Variants in UPF2 observed in about 807,000 individuals in gnomAD.
UPF2 encodes UPF2 regulator of nonsense mediated mRNA decay, also known as regulator of nonsense transcripts 2.
A neutral mutation model predicts 141.4 loss-of-function variants in UPF2; 17 were observed. The ratio of observed to expected loss-of-function variants is 0.12; its 90% CI spans 0.08 to 0.18. The LOEUF (loss-of-function observed/expected upper bound fraction) is 0.18. UPF2 is among the 10% of genes least tolerant of loss of function. The pLI, the probability that UPF2 is intolerant of heterozygous loss-of-function variation, is 1.00. For missense variants in UPF2, 1,152 were observed against 1,515.9 expected (o/e 0.76, Z 3.99); for synonymous variants, 540 against 498.0 (o/e 1.08, Z -1.12).
chr10:12,035,800 T>A (rs1834615486), intron 1 of UPF2: 1 of 159,494 alleles, frequency 6.3e-6, no homozygotes, highest in Non-Finnish European at 1.4e-5. Flanking sequence ...TCAGAATATA[T>A]CTGTGAACAT....
rs1285322717 is a variant in UPF2, at chr10:11,998,641, T to TCAGGAGTTCAAGACCAGCCTGGCCAA, written c.1759-910_1759-885dup. ...GCCGAGGTGGGTGGATCACGTGAGG[T>TCAGGAGTTCAAGACCAGCCTGGCCAA]CAGGAGTTCAAGACCAGCCTGGCCA... is the stretch of plus-strand genomic sequence containing the variant. On this transcript the variant is annotated intron_variant, in intron 7 of 21. Transcript: ENST00000357604. This position sits in a 1 kb window ranked among gnomAD's most constrained non-coding sequence, Gnocchi z 4.5. Among the ~76,000 whole-genome samples the TCAGGAGTTCAAGACCAGCCTGGCCAA allele has an allele frequency of 6.6e-6, 1 of 152,054 alleles. No homozygotes were observed. The highest frequency in any genetic ancestry group is 1.5e-5 in the Non-Finnish European group (1 of 68,006).
rs2131150859 is a variant in UPF2 at position 11,929,846 on chromosome 10, G to A, written c.3809+19C>T. The stretch of plus-strand genomic sequence containing the variant: ...ATCATGGAAACAAACAGCTAAGGAA[G>A]GAGTAATGACTGCTTTACCTCCCAC... On this transcript the variant is annotated intron_variant, in intron 21 of 21. Transcript: ENST00000357604. 1 of 1,612,950 alleles carries A rather than the reference G, an allele frequency of 6.2e-7. No homozygotes were observed. The highest frequency in any genetic ancestry group is 8.5e-7 in the Non-Finnish European group (1 of 1,179,278).
intron 3 of UPF2, among the ~76,000 whole-genome samples, chr10:12,015,321 A>G (rs1490716810): frequency 6.6e-6 from 1 of 152,248 alleles, no homozygotes; most frequent in Non-Finnish European, 1.5e-5. Flanking sequence ...AATAATGCCT[A>G]TACTTATTCT....
chr10:11,966,930 C>G (rs1833331056), intron 10 of UPF2, among the ~76,000 whole-genome samples: 1 of 152,160 alleles, frequency 6.6e-6, no homozygotes, highest in African/African-American at 2.4e-5. Context: ...TACCACCAGT[C>G]AATATTTTTA....
intron 4 of UPF2, among the ~76,000 whole-genome samples, chr10:12,012,927 T>C (rs1276493412): frequency 6.6e-6 from 1 of 151,944 alleles, no homozygotes; most frequent in African/African-American, 2.4e-5. Context: ...CTGCTTGAGC[T>C]AAGGAGTTTG....
intron 10 of UPF2, 107 bp downstream of exon 10, chr10:11,967,234 G>A: frequency 4.7e-6 from 3 of 640,692 alleles, no homozygotes; most frequent in South Asian, 4.1e-5. Flanking sequence ...TCCTTTCTTG[G>A]TCTTCTTTTG....
rs1833155727 is a variant in UPF2, at chr10:11,956,607, C to T, written c.2371-84G>A. The T allele has an allele frequency of 5.0e-5, 64 of 1,280,268 alleles. No individual in the cohort carries two copies. In the South Asian group the frequency reaches 5.7e-4, roughly 11 times the overall value. 79.3% of individuals were successfully genotyped at this position (1,280,268 alleles called of 1,614,324 possible). A position where few individuals can be genotyped will look rare whatever the true frequency, so the allele number is the denominator to read the frequency against. On this transcript the variant is annotated intron_variant, in intron 12 of 21. Coordinates refer to ENST00000357604, the MANE Select transcript of UPF2 (RefSeq NM_015542.4). This position sits in a 1 kb window ranked among gnomAD's most constrained non-coding sequence, Gnocchi z 4.2. ...TAATACAGAAATTTTGCTATGATTG[C>T]GCAGAGAACTTTTGAAATAGAAAAT...
intron 8 of UPF2, among the ~76,000 whole-genome samples, chr10:11,991,365 G>A (rs556132170): frequency 6.8e-4 from 104 of 152,198 alleles, no homozygotes; most frequent in Non-Finnish European, 1.1e-3. Context: ...CCACAGCACA[G>A]TCAACATATG....
chr10:12,018,088 G>A (rs116611660), intron 3 of UPF2, among the ~76,000 whole-genome samples: 1 of 152,154 alleles, frequency 6.6e-6, no homozygotes, highest in African/African-American at 2.4e-5. Flanking sequence ...TAAATCCACA[G>A]CATGCAGTAA....
intron 21 of UPF2, among the ~76,000 whole-genome samples, chr10:11,923,567 G>T (rs898506298): frequency 1.4e-4 from 22 of 151,866 alleles, no homozygotes; most frequent in African/African-American, 5.3e-4. Flanking sequence ...TGTAATCCCA[G>T]CTACTCGGGA....
Position 12,014,217 on chromosome 10 carries a change from T to A in UPF2, c.1146-33A>T. 2 of 1,360,558 alleles carry A rather than the reference T, an allele frequency of 1.5e-6. No homozygotes were observed. The highest frequency in any genetic ancestry group is 1.9e-6 in the Non-Finnish European group (2 of 1,044,348). The allele number at this position is 1,360,558 out of a possible 1,614,324, so 84.3% of individuals were successfully genotyped here. A position where few individuals can be genotyped will look rare whatever the true frequency, so the allele number is the denominator to read the frequency against. On this transcript the variant is annotated intron_variant, in intron 3 of 21. Coordinates refer to ENST00000357604, the MANE Select transcript of UPF2 (RefSeq NM_015542.4). The surrounding 1 kb of genome is among the most constrained non-coding windows in gnomAD (Gnocchi z 5.0). The stretch of plus-strand genomic sequence containing the variant: ...CAAATGAAATCATCTGACAGTCTTA[T>A]CAAAATAGATGTGATCACAAATTGT...
chr10:12,037,453 T>C (rs11257493), intron 1 of UPF2, among the ~76,000 whole-genome samples: 1,496 of 148,850 alleles, frequency 0.01, 28 homozygotes, highest in African/African-American at 0.035. Context: ...TGGAGTGCAG[T>C]GGTGTGATCT....
At chr10:11,934,918 G>A (rs1211466955) in intron 19 of UPF2, among the ~76,000 whole-genome samples, 1 of 151,932 alleles carries the variant, frequency 6.6e-6, no homozygotes, top group African/African-American at 2.4e-5. Flanking sequence ...GTATATAGGT[G>A]GTATCACTGC....
rs1446802907 is a variant in UPF2 at position 11,956,731 on chromosome 10, T to C, written c.2371-208A>G. Among the ~76,000 whole-genome samples the C allele has an allele frequency of 6.6e-6, 1 of 152,210 alleles. No homozygotes were observed. Among genetic ancestry groups the C allele is most frequent in the African/African-American group, 2.4e-5 (1 of 41,444 alleles). ...TCATCTTTCCTAAATCCTTCCATAG[T>C]GCTCTCAAATTTTCTAGAGTTTTCA... On this transcript the variant is annotated intron_variant, in intron 12 of 21. Coordinates refer to ENST00000357604, the MANE Select transcript of UPF2 (RefSeq NM_015542.4). The surrounding 1 kb of genome is among the most constrained non-coding windows in gnomAD (Gnocchi z 4.2).
rs1833083783 is a variant in UPF2 at position 11,952,176 on chromosome 10, A to G, written c.2924T>C (p.Met975Thr). Residue 975 changes from methionine to threonine, a missense_variant, in exon 15 of 22, where the codon ATG (methionine) becomes ACG (threonine). Transcript: ENST00000357604. The part of the protein sequence containing the change: ...DHPFPIDIDY[M>T]ISDTLELLRP... ...TAGCAGTTCTAGTGTATCACTGATC[A>G]TGTAATCTATATCAATAGGAAATGG... is the stretch of plus-strand genomic sequence containing the variant. 1 of 1,613,862 alleles carries G rather than the reference A, an allele frequency of 6.2e-7. No homozygotes were observed. Among genetic ancestry groups the G allele is most frequent in the Non-Finnish European group, 8.5e-7 (1 of 1,179,916 alleles).
intron 1 of UPF2, among the ~76,000 whole-genome samples, chr10:12,037,472 T>G (rs901777314): frequency 1.0e-4 from 15 of 149,588 alleles, no homozygotes; most frequent in African/African-American, 3.5e-4. Context: ...CTCGGCTCAC[T>G]GCAACCTCCA....
chr10:11,929,533 A>ACCC (rs1832756163), intron 21 of UPF2, among the ~76,000 whole-genome samples: 1 of 152,116 alleles, frequency 6.6e-6, no homozygotes, highest in Non-Finnish European at 1.5e-5. Flanking sequence ...GCTACTTGGG[A>ACCC]GGCTGATGTG....
rs879423184 is a variant in UPF2, at chr10:11,938,303, A to AT, written c.3379-1592dup. Among the ~76,000 whole-genome samples the AT allele has an allele frequency of 9.3e-4, 140 of 150,442 alleles. 2 individuals carry two copies. Among genetic ancestry groups the AT allele is most frequent in the African/African-American group, 3.1e-3 (128 of 41,052 alleles). On this transcript the variant is annotated intron_variant, in intron 18 of 21. Coordinates refer to ENST00000357604, the MANE Select transcript of UPF2 (RefSeq NM_015542.4). Reference sequence around the variant, plus strand: ...CTTATTATTTAATTATTGACAGACAATTTTTTTTTTAAATGATCCTTCCCA... The same window carrying AT: ...CTTATTATTTAATTATTGACAGACAATTTTTTTTTTTAAATGATCCTTCCCA...
Position 12,014,112 on chromosome 10 carries a change from G to A in UPF2, c.1218C>T (p.Tyr406=), listed in dbSNP as rs534508431. The A allele has an allele frequency of 2.5e-6, 4 of 1,593,014 alleles. No homozygotes were observed. In the African/African-American group the frequency reaches 5.4e-5, roughly 21 times the overall value. ...ATTGAGAATTTGCCAGCAGCTTCTG[G>A]TAAGACATAGCAAATTCCTCATACT... ...HKQYEEFAMS[Y]QKLLANSQSL... The change falls in exon 4 of 22, where the codon TAC becomes TAT. Residue 406 remains tyrosine (Y), a synonymous_variant. Coordinates refer to ENST00000357604, the MANE Select transcript of UPF2 (RefSeq NM_015542.4). This position sits in a 1 kb window ranked among gnomAD's most constrained non-coding sequence, Gnocchi z 5.0.
Sources: allele counts gnomAD v4.1 joint callset (sites outside exome capture counted in the v4.1 genomes callset), GRCh38; gene constraint gnomAD v4.1.1; non-coding constraint Gnocchi (gnomAD v3.1); transcripts MANE v1.5; gene names NCBI Gene and HGNC (gene_info 2026-07-23, HGNC 2026-07-21).